The following SCRIB variants were observed in gnomAD, a reference collection of about 807,000 sequenced individuals.
SCRIB encodes scribble planar cell polarity protein.
SCRIB carries 72 observed loss-of-function variants against 170.0 expected under a neutral mutation model. The observed-to-expected ratio is 0.42, with a 90% CI of 0.35 to 0.52. The LOEUF is 0.52. Ranked by LOEUF, SCRIB falls within the 20% of genes least tolerant of loss-of-function variation. The pLI, the probability that SCRIB is intolerant of heterozygous loss-of-function variation, is 0.02. For synonymous variants in SCRIB, 1,298 were observed against 1,044.3 expected (o/e 1.24, Z -4.68); for missense variants, 2,475 against 2,338.5 (o/e 1.06, Z -1.20).
intron 9 of SCRIB, among the ~76,000 whole-genome samples, chr8:143,812,004 G>A (rs1028611649): frequency 7.2e-5 from 11 of 152,066 alleles, no homozygotes; most frequent in African/African-American, 1.9e-4. Flanking sequence ...TTCTGTAACC[G>A]CTCCCCAGTG....
intron 20 of SCRIB, 39 bp downstream of exon 20, chr8:143,804,895 G>A (rs782418143): frequency 4.6e-6 from 7 of 1,522,076 alleles, no homozygotes; most frequent in Non-Finnish European, 4.4e-6. Context: ...GCGGGGCAGG[G>A]GGGATGGGTG....
At chr8:143,805,497 G>A in intron 18 of SCRIB, 62 bp from the exon 19 acceptor site, 2 of 1,405,522 alleles carry the variant, frequency 1.4e-6, no homozygotes, top group Non-Finnish European at 1.9e-6. Flanking sequence ...GCCACGTGCT[G>A]GGGGCTCCAC....
Position 143,813,119 on chromosome 8 carries a change from A to G in SCRIB, c.568-15T>C, listed in dbSNP as rs756688520. On this transcript the variant is annotated splice_polypyrimidine_tract_variant and intron_variant, in intron 6 of 36. Transcript: ENST00000356994. ...AGAGTGTCTGGCTGCAAGAAGGAAC[A>G]GAGAAAATAGTGACTATGAGGCAAA... The G allele has an allele frequency of 4.5e-6, 7 of 1,571,792 alleles. No homozygotes were observed. The highest frequency in any genetic ancestry group is 4.0e-5 in the African/African-American group (3 of 74,176).
Position 143,808,967 on chromosome 8 carries a change from T to C in SCRIB, c.1757A>G (p.Glu586Gly). Residue 586 changes from glutamate to glycine, a missense_variant, in exon 15 of 37, where the codon GAG (glutamate) becomes GGG (glycine). Coordinates refer to ENST00000356994, the MANE Select transcript of SCRIB (RefSeq NM_182706.5). ...LLPGDDREIE[E>G]GQPEAPWTLP... ...GGTCCAGGGGGCCTCAGGCTGCCCC[T>C]CCTCGATCTCCCTGTCATCCCCGGG... The C allele has an allele frequency of 6.2e-7, 1 of 1,613,146 alleles. No homozygotes were observed. Among genetic ancestry groups the C allele is most frequent in the Non-Finnish European group, 8.5e-7 (1 of 1,179,960 alleles).
rs1482077134 is a variant in SCRIB, at chr8:143,811,162, C to T, written c.1090G>A (p.Asp364Asn). 1 of 1,607,942 alleles carries T rather than the reference C, an allele frequency of 6.2e-7. No individual in the cohort carries two copies. Among genetic ancestry groups the T allele is most frequent in the South Asian group, 1.1e-5 (1 of 90,320 alleles). ...GGCACTCACCGGTTCCCCGCCACGT[C>T]CAGCACGTGCAGCTCTGTCGTGTGG... ...LAHTTELHVL[D>N]VAGNRLQSLP... is the part of the protein sequence containing the mutation. The change falls in exon 10 of 37, where the codon GAC becomes AAC. Residue 364 changes from aspartate to asparagine, a missense_variant. Asp to Asn is a conservative substitution (Grantham distance 23, BLOSUM62 1). Coordinates refer to ENST00000356994, the MANE Select transcript of SCRIB (RefSeq NM_182706.5).
At chr8:143,814,652 G>A (rs1815958304) in intron 1 of SCRIB, among the ~76,000 whole-genome samples, 2 of 152,158 alleles carry the variant, frequency 1.3e-5, no homozygotes, top group South Asian at 2.1e-4. Flanking sequence ...CCAACCCCTA[G>A]GTACTGATCA....
chr8:143,810,261 C>A (rs1057362938), intron 13 of SCRIB, among the ~76,000 whole-genome samples: 2 of 152,298 alleles, frequency 1.3e-5, no homozygotes, highest in South Asian at 4.1e-4. Flanking sequence ...TCCCCATACT[C>A]CAGCCCCACA....
chr8:143,813,126 A>T lies in SCRIB; in HGVS notation c.568-22T>A, dbSNP rs546710835. The T allele has an allele frequency of 2.1e-5, 33 of 1,572,316 alleles. No individual in the cohort carries two copies. In the South Asian group the frequency reaches 3.3e-4, roughly 16 times the overall value. ...CTGGCTGCAAGAAGGAACAGAGAAA[A>T]TAGTGACTATGAGGCAAAGCCTCCT... On this transcript the variant is annotated intron_variant, in intron 6 of 36. Coordinates refer to ENST00000356994, the MANE Select transcript of SCRIB (RefSeq NM_182706.5).
Position 143,812,354 on chromosome 8 carries a change from A to C in SCRIB, c.818T>G (p.Val273Gly), listed in dbSNP as rs1333352190. 2.5e-6 allele frequency: 4 copies of C among 1,613,646 alleles called. No homozygotes were observed. Among genetic ancestry groups the C allele is most frequent in the Non-Finnish European group, 3.4e-6 (4 of 1,179,732 alleles). The change falls in exon 9 of 37, where the codon GTA (valine) becomes GGA (glycine). Residue 273 changes from valine (V) to glycine (G), a missense_variant. Val to Gly is a moderately radical substitution (Grantham distance 109). This residue lies in a region of SCRIB where 487 missense variants were observed against 558.1 expected (regional missense o/e 0.87). Transcript: ENST00000356994. ...GQLKQLSILK[V>G]DQNRLCEVTE... ...CACCTCGCACAGCCGATTCTGGTCTACCTTTAGGATGGATAGCTGCTTCAG... is the reference window on the plus strand; with the variant it reads ...CACCTCGCACAGCCGATTCTGGTCTCCCTTTAGGATGGATAGCTGCTTCAG...
Position 143,809,534 on chromosome 8 carries a change from T to C in SCRIB, c.1698+17A>G. 1 of 1,600,898 alleles carries C rather than the reference T, an allele frequency of 6.2e-7. No individual in the cohort carries two copies. Among genetic ancestry groups the C allele is most frequent in the South Asian group, 1.1e-5 (1 of 90,746 alleles). The stretch of plus-strand genomic sequence containing the variant: ...CCAGCAGGCCCAGCCTCCTGCCTCC[T>C]TCCTGCCAATCCACACCTCCTGGTA... On this transcript the variant is annotated intron_variant, in intron 14 of 36. Coordinates refer to ENST00000356994, the MANE Select transcript of SCRIB (RefSeq NM_182706.5).
rs371227460 is a variant in SCRIB, at chr8:143,792,943, C to T, written c.4017+33G>A. ...GGCCCCCGGGCACCCACCCCAACCA[C>T]GCGCAGCAGGGAGGCGTGCTGCCCC... is the stretch of plus-strand genomic sequence containing the variant. On this transcript the variant is annotated intron_variant, in intron 29 of 36. Transcript: ENST00000356994. 121 of 1,501,112 alleles carry T rather than the reference C, an allele frequency of 8.1e-5. 1 individual carries two copies. The highest frequency in any genetic ancestry group is 7.0e-4 in the Middle Eastern group (4 of 5,674). The allele number at this position is 1,501,112 out of a possible 1,614,324, so 93.0% of individuals were successfully genotyped here.
At chr8:143,794,812 C>T (rs1211109894) in intron 27 of SCRIB, among the ~76,000 whole-genome samples, 3 of 152,168 alleles carry the variant, frequency 2.0e-5, no homozygotes, top group Admixed American at 6.5e-5. Context: ...GTCACCCATC[C>T]GCAGCTCAGG....
intron 8 of SCRIB, 109 bp downstream of exon 8, chr8:143,812,708 C>T (rs1815798237): frequency 7.1e-7 from 1 of 1,407,510 alleles, no homozygotes; most frequent in East Asian, 2.3e-5. Context: ...AGCCTGGGCA[C>T]ACTCAGGATC....
chr8:143,792,776 G>A lies in SCRIB; in HGVS notation c.4109C>T (p.Ala1370Val), dbSNP rs782511876. 4 of 1,585,346 alleles carry A rather than the reference G, an allele frequency of 2.5e-6. No individual in the cohort carries two copies. In the Admixed American group the frequency reaches 5.2e-5, roughly 21 times the overall value. Residue 1370 changes from alanine to valine, a missense_variant, in exon 30 of 37, where the codon GCC becomes GTC. Coordinates refer to ENST00000356994, the MANE Select transcript of SCRIB (RefSeq NM_182706.5). Reference sequence around the variant, plus strand: ...GGACACGCGCTTAGGGGGGCCCTCGGCCTGGGGCACGCGCACCTCCAGCTC... The same window carrying A: ...GGACACGCGCTTAGGGGGGCCCTCGACCTGGGGCACGCGCACCTCCAGCTC... Reference protein sequence around the residue: ...YFELEVRVPQAEGPPKRVSLV... With the variant: ...YFELEVRVPQVEGPPKRVSLV...
chr8:143,803,970 C>CT (rs1563797208), intron 22 of SCRIB, 30 bp from the exon 23 acceptor site: 3 of 1,572,262 alleles, frequency 1.9e-6, no homozygotes, highest in Non-Finnish European at 2.6e-6. Flanking sequence ...CAGCTGGTGG[C>CT]TGAGGCCGCG....
At position 143,807,006 on chromosome 8, in the gene SCRIB, A is replaced by G; in HGVS notation, c.2186T>C (p.Leu729Pro). ...GCCCCCAGTCTGCCGCAGGATAGTGAGGGTCAGCTGGAAACAGAACAGACA... is the reference window on the plus strand; with the variant it reads ...GCCCCCAGTCTGCCGCAGGATAGTGGGGGTCAGCTGGAAACAGAACAGACA... ...PARIEEEELT[L>P]TILRQTGGLG... Residue 729 changes from leucine to proline, a missense_variant, in exon 17 of 37, where the codon CTC (leucine) becomes CCC (proline). Transcript: ENST00000356994. The G allele has an allele frequency of 6.2e-7, 1 of 1,610,934 alleles. No homozygotes were observed. The highest frequency in any genetic ancestry group is 8.5e-7 in the Non-Finnish European group (1 of 1,178,516).
chr8:143,794,407 C>T (rs781961041), intron 27 of SCRIB, among the ~76,000 whole-genome samples: 30 of 152,114 alleles, frequency 2.0e-4, no homozygotes, highest in Middle Eastern at 3.2e-3. Context: ...TCCCTCTTGG[C>T]GCTGCCCATG....
Position 143,812,910 on chromosome 8 carries a change from G to C in SCRIB, c.694C>G (p.Leu232Val). Residue 232 changes from leucine (L) to valine (V), a missense_variant, in exon 8 of 37, where the codon CTG becomes GTG. Coordinates refer to ENST00000356994, the MANE Select transcript of SCRIB (RefSeq NM_182706.5). The stretch of plus-strand genomic sequence containing the variant: ...CCGAGCTCAGCAGGCAGCTCCTCCA[G>C]CCGGTTTTCCGACACGTCCAGGCAC... Reference protein sequence around the residue: ...LVCLDVSENRLEELPAELGGL... With the variant: ...LVCLDVSENRVEELPAELGGL... 1 of 1,612,194 alleles carries C rather than the reference G, an allele frequency of 6.2e-7. No homozygotes were observed. The highest frequency in any genetic ancestry group is 8.5e-7 in the Non-Finnish European group (1 of 1,179,904).
chr8:143,807,758 C>T (rs1407252813), intron 15 of SCRIB, 144 bp from the exon 16 acceptor site: 1 of 709,330 alleles, frequency 1.4e-6, no homozygotes, highest in Non-Finnish European at 2.6e-6. Flanking sequence ...GCGCCTCCAT[C>T]CTGGAGGCGT....
Sources: gnomAD v4.1 joint callset for allele counts (sites outside exome capture counted in the v4.1 genomes callset) on GRCh38, gnomAD v4.1.1 for gene constraint, gnomAD v4.1.1 regional missense constraint, MANE v1.5 for transcripts, NCBI Gene and HGNC (gene_info 2026-07-23, HGNC 2026-07-21) for gene names.